Variants in COBLL1 observed in about 807,000 individuals in gnomAD.
COBLL1 encodes the protein cordon-bleu WH2 repeat protein like 1.
A neutral mutation model predicts 94.8 loss-of-function variants in COBLL1; 50 were observed. The ratio of observed to expected loss-of-function variants is 0.53; its 90% CI spans 0.42 to 0.67. COBLL1 has a LOEUF of 0.67. COBLL1 is among the 30% of genes least tolerant of loss of function. COBLL1 has a pLI of 0.00. For missense variants in COBLL1, 1,362 were observed against 1,348.7 expected, an observed-to-expected ratio of 1.01 and a Z score of -0.15; for synonymous variants, 448 against 473.8, an observed-to-expected ratio of 0.95 and a Z score of 0.71.
At chr2:164,675,813 G>A (rs1691326134), downstream of COBLL1, among the ~76,000 whole-genome samples, 1 of 152,118 alleles carries the variant, frequency 6.6e-6, no homozygotes, top group Non-Finnish European at 1.5e-5. Context: ...GAAAACTTGG[G>A]ACTCACCCTT....
intron 2 of COBLL1, among the ~76,000 whole-genome samples, chr2:164,774,475 C>T (rs966597673): frequency 2.0e-5 from 3 of 152,144 alleles, no homozygotes; most frequent in African/African-American, 7.2e-5. Flanking sequence ...GCAACAATTC[C>T]GATTTTTCCA....
chr2:164,731,964 G>A (rs1161087876), intron 3 of COBLL1, among the ~76,000 whole-genome samples: 1 of 152,120 alleles, frequency 6.6e-6, no homozygotes, highest in African/African-American at 2.4e-5. Flanking sequence ...GTGTGGTCTT[G>A]AAGTCAAACA....
chr2:164,692,467 T>G (rs1186000787), intron 12 of COBLL1, 70 bp from the exon 13 acceptor site: 1 of 1,215,274 alleles, frequency 8.2e-7, no homozygotes, highest in Non-Finnish European at 1.2e-6. Context: ...GCAAAACATT[T>G]TCATCATCAA....
intron 2 of COBLL1, among the ~76,000 whole-genome samples, chr2:164,810,545 C>T (rs1215724015): frequency 6.6e-6 from 1 of 151,410 alleles, no homozygotes; most frequent in African/African-American, 2.4e-5. Context: ...AAAGGAAACA[C>T]CCTAAAATCA....
intron 1 of COBLL1, among the ~76,000 whole-genome samples, chr2:164,667,943 T>TTA (rs1691188342): frequency 6.6e-6 from 1 of 150,620 alleles, no homozygotes; most frequent in Non-Finnish European, 1.5e-5. Context: ...CTGTCTCGGC[T>TTA]TTCTTTTTTT....
At chr2:164,799,242 GA>G (rs1407272158) in intron 2 of COBLL1, among the ~76,000 whole-genome samples, 5 of 152,154 alleles carry the variant, frequency 3.3e-5, no homozygotes, top group African/African-American at 1.2e-4. Flanking sequence ...AATACAAGGA[GA>G]TGCTCTATAG....
At chr2:164,664,528 C>T (rs1004578021) in intron 2 of COBLL1, among the ~76,000 whole-genome samples, 57 of 152,216 alleles carry the variant, frequency 3.7e-4, no homozygotes, top group African/African-American at 1.4e-3. Flanking sequence ...AACAGCCACA[C>T]AAAATGAGGG....
At chr2:164,699,552 T>TACAC (rs139984226) in intron 10 of COBLL1, 53 bp from the exon 11 acceptor site, 1 of 966,020 alleles carries the variant, frequency 1.0e-6, no homozygotes, top group East Asian at 2.4e-5. Flanking sequence ...AACACACACA[T>TACAC]ACACACACAC....
chr2:164,802,938 G>A (rs1348709562), intron 2 of COBLL1, among the ~76,000 whole-genome samples: 2 of 152,164 alleles, frequency 1.3e-5, no homozygotes, highest in African/African-American at 4.8e-5. Flanking sequence ...ATAATCAGGT[G>A]ACATATCAGT....
chr2:164,827,982 T>A (rs2105375364), intron 2 of COBLL1, among the ~76,000 whole-genome samples: 1 of 152,312 alleles, frequency 6.6e-6, no homozygotes, highest in South Asian at 2.1e-4. Flanking sequence ...TAATCCTAAA[T>A]GAGAAGCTCA....
intron 2 of COBLL1, among the ~76,000 whole-genome samples, chr2:164,818,524 A>G (rs754773725): frequency 2.3e-4 from 34 of 145,460 alleles, no homozygotes; most frequent in Admixed American, 5.6e-4. Context: ...ATACTTATAT[A>G]CAATATACAT....
At chr2:164,799,305 C>T (rs1228263730) in intron 2 of COBLL1, among the ~76,000 whole-genome samples, 1 of 152,032 alleles carries the variant, frequency 6.6e-6, no homozygotes, top group East Asian at 1.9e-4. Context: ...GGGAGTTGCC[C>T]TTTTTTTATT....
At chr2:164,699,552 T>C (rs993208961) in intron 10 of COBLL1, 53 bp from the exon 11 acceptor site, 12 of 965,932 alleles carry the variant, frequency 1.2e-5, no homozygotes, top group Middle Eastern at 2.1e-4. Context: ...AACACACACA[T>C]ACACACACAC....
At chr2:164,754,273 G>C (rs542517484) in intron 2 of COBLL1, among the ~76,000 whole-genome samples, 18 of 152,312 alleles carry the variant, frequency 1.2e-4, no homozygotes, top group African/African-American at 4.3e-4. Context: ...CCTTCTCTAA[G>C]ATGATGTCCA....
chr2:164,744,025 C>A, intron 2 of COBLL1, 150 bp from the exon 3 acceptor site: 1 of 551,724 alleles, frequency 1.8e-6, no homozygotes, highest in Non-Finnish European at 2.9e-6. Context: ...GTTGGATGGT[C>A]GAATTAGGAT....
At chr2:164,818,216 A>G (rs946538881) in intron 2 of COBLL1, among the ~76,000 whole-genome samples, 5 of 142,366 alleles carry the variant, frequency 3.5e-5, no homozygotes, top group African/African-American at 1.3e-4. Flanking sequence ...GTGTGTATAT[A>G]TACATATATA....
chr2:164,727,825 T>C (rs1055359165), intron 5 of COBLL1, 144 bp downstream of exon 5: 9 of 453,380 alleles, frequency 2.0e-5, no homozygotes, highest in Admixed American at 3.9e-5. Context: ...TGTTTTCTTA[T>C]TCCTAATGCC....
intron 2 of COBLL1, among the ~76,000 whole-genome samples, chr2:164,754,731 T>A (rs1483045987): frequency 6.6e-6 from 1 of 152,266 alleles, no homozygotes; most frequent in Non-Finnish European, 1.5e-5. Flanking sequence ...GAACCTTTCT[T>A]GTTTTACACA....
chr2:164,665,254 CCAGGGA>C (rs1229717267), intron 2 of COBLL1, among the ~76,000 whole-genome samples: 16 of 150,740 alleles, frequency 1.1e-4, no homozygotes, highest in African/African-American at 3.9e-4. Flanking sequence ...TCATTTGAAC[CCAGGGA>C]CAGAGGTTGC....
Sources: allele counts gnomAD v4.1 joint callset (sites outside exome capture counted in the v4.1 genomes callset), GRCh38; gene constraint gnomAD v4.1.1; transcripts MANE v1.5; gene names NCBI Gene and HGNC (gene_info 2026-07-23, HGNC 2026-07-21).